The following ATP6V0A2 variants were observed in gnomAD, a reference collection of about 807,000 sequenced individuals.
ATP6V0A2 encodes the protein V-type proton ATPase 116 kDa subunit a 2.
Under a neutral mutation model 104.4 loss-of-function variants are expected in ATP6V0A2, and 58 were observed. That is an observed-to-expected ratio of 0.56 (90% CI 0.45 to 0.69). The LOEUF (loss-of-function observed/expected upper bound fraction) is 0.69, where lower values mean the gene tolerates loss of function less well. ATP6V0A2 is among the 30% of genes least tolerant of loss of function. The pLI is 0.00. For synonymous variants in ATP6V0A2, 376 were observed against 397.9 expected, an observed-to-expected ratio of 0.95 and a Z score of 0.65; for missense variants, 938 against 1,062.9, an observed-to-expected ratio of 0.88 and a Z score of 1.63.
chr12:123,758,746 T>A lies in ATP6V0A2; in HGVS notation c.*714T>A. Reference sequence around the variant, plus strand: ...CATGTTGGCCAGGCTGGTCTCGAACTTCTGACCTCAAGTGATCCACCTGCC... The same window carrying A: ...CATGTTGGCCAGGCTGGTCTCGAACATCTGACCTCAAGTGATCCACCTGCC... On this transcript the variant is annotated 3_prime_UTR_variant, in exon 20 of 20. Transcript: ENST00000330342. 6.6e-6 allele frequency: 1 copy of A among 152,162 alleles called. No homozygotes were observed. The highest frequency in any genetic ancestry group is 6.5e-5 in the Admixed American group (1 of 15,270). The allele number at this position is 152,162 out of a possible 1,614,324, so 9.4% of individuals were successfully genotyped here.
rs368978883 is a variant in ATP6V0A2 at position 123,733,914 on chromosome 12, C to A, written c.649-12C>A. 1.9e-6 allele frequency: 3 copies of A among 1,598,006 alleles called. No homozygotes were observed. Among genetic ancestry groups the A allele is most frequent in the Non-Finnish European group, 2.6e-6 (3 of 1,165,352 alleles). ...CGCAGAAATAACACTTATCCTTATTCATTCTTTGTAGGGGGAAGTCATAAA... is the reference window on the plus strand; with the variant it reads ...CGCAGAAATAACACTTATCCTTATTAATTCTTTGTAGGGGGAAGTCATAAA... On this transcript the variant is annotated splice_polypyrimidine_tract_variant and intron_variant, in intron 6 of 19. Transcript: ENST00000330342.
At chr12:123,746,012 A>T (rs1196630213) in intron 13 of ATP6V0A2, among the ~76,000 whole-genome samples, 1 of 152,182 alleles carries the variant, frequency 6.6e-6, no homozygotes, top group African/African-American at 2.4e-5. Flanking sequence ...TCTAATCATG[A>T]TTGGTATAAT....
Position 123,760,791 on chromosome 12 carries a change from T to C in ATP6V0A2, c.*2759T>C, listed in dbSNP as rs550259483. On this transcript the variant is annotated 3_prime_UTR_variant, in exon 20 of 20. Transcript: ENST00000330342. ...GGATCTGGGTGAGCCCTGCGGACTTTCCAGCAGCGAAAGGACTTGGAACTC... is the reference window on the plus strand; with the variant it reads ...GGATCTGGGTGAGCCCTGCGGACTTCCCAGCAGCGAAAGGACTTGGAACTC... 3.2e-4 allele frequency: 49 copies of C among 152,344 alleles called. No homozygotes were observed. Among genetic ancestry groups the C allele is most frequent in the African/African-American group, 1.1e-3 (47 of 41,576 alleles). The allele number at this position is 152,344 out of a possible 1,614,324, so 9.4% of individuals were successfully genotyped here. A position where few individuals can be genotyped will look rare whatever the true frequency, so the allele number is the denominator to read the frequency against.
Position 123,744,974 on chromosome 12 carries a change from T to C in ATP6V0A2, c.1605+2T>C. On this transcript the variant is annotated splice_donor_variant, in intron 13 of 19. Transcript: ENST00000330342. LOFTEE classifies it high-confidence loss of function. The surrounding 1 kb of genome is among the most constrained non-coding windows in gnomAD (Gnocchi z 5.4). ...CCTTATCCCCTTGGCATTGATCCTGTGAGTGCACCACGCTCTGTCGTTGTC... is the reference window on the plus strand; with the variant it reads ...CCTTATCCCCTTGGCATTGATCCTGCGAGTGCACCACGCTCTGTCGTTGTC... 3 of 1,613,820 alleles carry C rather than the reference T, an allele frequency of 1.9e-6. No individual in the cohort carries two copies. Among genetic ancestry groups the C allele is most frequent in the Non-Finnish European group, 2.5e-6 (3 of 1,179,692 alleles).
intron 9 of ATP6V0A2, among the ~76,000 whole-genome samples, chr12:123,739,944 T>C (rs962020973): frequency 1.3e-5 from 2 of 152,186 alleles, no homozygotes; most frequent in African/African-American, 4.8e-5. Flanking sequence ...TATCTTTTCT[T>C]TTTCTTTAAA....
chr12:123,751,284 T>C, intron 16 of ATP6V0A2, 55 bp downstream of exon 16: 4 of 1,613,594 alleles, frequency 2.5e-6, no homozygotes, highest in East Asian at 2.2e-5. Context: ...CTTTCGGTTA[T>C]ACAAGGATTG....
At chr12:123,729,856 C>A (rs141624370) in intron 6 of ATP6V0A2, among the ~76,000 whole-genome samples, 2 of 151,936 alleles carry the variant, frequency 1.3e-5, no homozygotes, top group Admixed American at 1.3e-4. Context: ...ACCCTGTCGC[C>A]CAGGCTGGAG....
In ATP6V0A2 at chr12:123,756,964, C is replaced by G; in HGVS notation, c.2443C>G (p.Leu815Val). The G allele has an allele frequency of 6.2e-7, 1 of 1,614,216 alleles. No individual in the cohort carries two copies. The highest frequency in any genetic ancestry group is 8.5e-7 in the Non-Finnish European group (1 of 1,180,038). The change falls in exon 19 of 20, where the codon CTT (leucine) becomes GTT (valine). Residue 815 changes from leucine to valine, a missense_variant. Leu to Val is a conservative substitution (Grantham distance 32). Coordinates refer to ENST00000330342, the MANE Select transcript of ATP6V0A2 (RefSeq NM_012463.4). ...LLIMEGLSAF[L>V]HAIRLHWVEF... is the part of the protein sequence containing the mutation. ...GATCATGGAAGGGCTTTCTGCGTTT[C>G]TTCACGCCATACGCCTCCACTGGTG... is the stretch of plus-strand genomic sequence containing the variant.
chr12:123,756,798 G>A lies in ATP6V0A2; in HGVS notation c.2294-17G>A. 6.2e-7 allele frequency: 1 copy of A among 1,613,202 alleles called. No homozygotes were observed. Among genetic ancestry groups the A allele is most frequent in the South Asian group, 1.1e-5 (1 of 91,036 alleles). ...ACATAAGCGAGCATGACCTGTGCAG[G>A]CTGCACTCCTTTGCAGAGTTGTCTG... On this transcript the variant is annotated splice_polypyrimidine_tract_variant and intron_variant, in intron 18 of 19. Transcript: ENST00000330342.
At chr12:123,752,930 G>T (rs1322962906) in intron 17 of ATP6V0A2, among the ~76,000 whole-genome samples, 1 of 152,136 alleles carries the variant, frequency 6.6e-6, no homozygotes, top group East Asian at 1.9e-4. Context: ...GTCACAAGTT[G>T]CCCTGGGCTT....
rs565763291 is a variant in ATP6V0A2 at position 123,754,752 on chromosome 12, G to C, written c.2293+215G>C. The C allele has an allele frequency of 2.0e-4, 115 of 577,360 alleles. 1 individual carries two copies. In the Middle Eastern group the frequency reaches 2.3e-3, roughly 12 times the overall value. 35.8% of individuals were successfully genotyped at this position (577,360 alleles called of 1,614,324 possible). A position where few individuals can be genotyped will look rare whatever the true frequency, so the allele number is the denominator to read the frequency against. On this transcript the variant is annotated intron_variant, in intron 18 of 19. Transcript: ENST00000330342. ...GAAAAATCACAGAGGGAGTCTCTCT[G>C]AGGCTGGTCTGGCTTCAGAGCCTGC...
chr12:123,723,042 G>A (rs759517839), intron 3 of ATP6V0A2, among the ~76,000 whole-genome samples: 1 of 152,116 alleles, frequency 6.6e-6, no homozygotes, highest in Non-Finnish European at 1.5e-5. Flanking sequence ...CGGTGAATTC[G>A]TTCCTCACCC....
At chr12:123,754,768 C>T (rs767748583) in intron 18 of ATP6V0A2, 8 of 548,392 alleles carry the variant, frequency 1.5e-5, no homozygotes, top group Admixed American at 3.1e-5. Context: ...GGTCTGGCTT[C>T]AGAGCCTGCC....
chr12:123,738,700 T>G (rs1283699740), intron 9 of ATP6V0A2, among the ~76,000 whole-genome samples: 1 of 152,252 alleles, frequency 6.6e-6, no homozygotes, highest in South Asian at 2.1e-4. Flanking sequence ...ACTGCAAGGT[T>G]ATAGTGTAAT....
intron 19 of ATP6V0A2, 96 bp downstream of exon 19, chr12:123,757,082 C>T (rs574671953): frequency 1.7e-5 from 23 of 1,327,560 alleles, no homozygotes; most frequent in Non-Finnish European, 2.4e-5. Flanking sequence ...CCTGCAAAAT[C>T]TAATGCTGAA....
intron 5 of ATP6V0A2, among the ~76,000 whole-genome samples, chr12:123,727,563 C>T (rs1956460263): frequency 6.6e-6 from 1 of 152,162 alleles, no homozygotes; most frequent in Admixed American, 6.5e-5. Flanking sequence ...AGGCATGAGC[C>T]ACTGTGCCCA....
At position 123,757,031 on chromosome 12, in the gene ATP6V0A2, C is replaced by A. The variant is rs752146663; in HGVS notation, c.2465+45C>A. The stretch of plus-strand genomic sequence containing the variant: ...TTGGAGCTGTTATTTAAAAAACATA[C>A]CCGCCCCCCCACTGCCCCGCCCAAC... On this transcript the variant is annotated intron_variant, in intron 19 of 19. Transcript: ENST00000330342. The A allele has an allele frequency of 9.3e-6, 15 of 1,604,766 alleles. No homozygotes were observed. In the Admixed American group the frequency reaches 1.5e-4, roughly 16 times the overall value.
rs1322835261 is a variant in ATP6V0A2, at chr12:123,737,039, C to T, written c.826-20C>T. 3 of 1,612,622 alleles carry T rather than the reference C, an allele frequency of 1.9e-6. No individual in the cohort carries two copies. Among genetic ancestry groups the T allele is most frequent in the Non-Finnish European group, 2.5e-6 (3 of 1,178,764 alleles). On this transcript the variant is annotated intron_variant, in intron 8 of 19. Coordinates refer to ENST00000330342, the MANE Select transcript of ATP6V0A2 (RefSeq NM_012463.4). ...AAAAACATGCCCACTCCACTGAAAG[C>T]CCCTGTTGTTCTTCCCCAGGTACTG...
At position 123,743,718 on chromosome 12, in the gene ATP6V0A2, C is replaced by T. The variant is rs990561640; in HGVS notation, c.1039-67C>T. 25 of 1,579,770 alleles carry T rather than the reference C, an allele frequency of 1.6e-5. No individual in the cohort carries two copies. In the African/African-American group the frequency reaches 2.0e-4, roughly 13 times the overall value. Reference sequence around the variant, plus strand: ...AAAAAACAAAGCAGTAACCCAGATTCGTTGAATATGGATAGTTATTTTCTT... The same window carrying T: ...AAAAAACAAAGCAGTAACCCAGATTTGTTGAATATGGATAGTTATTTTCTT... On this transcript the variant is annotated intron_variant, in intron 9 of 19. Transcript: ENST00000330342.
Sources: gnomAD v4.1 joint callset for allele counts (sites outside exome capture counted in the v4.1 genomes callset) on GRCh38, gnomAD v4.1.1 for gene constraint, Gnocchi (gnomAD v3.1) non-coding constraint, MANE v1.5 for transcripts, NCBI Gene and HGNC (gene_info 2026-07-23, HGNC 2026-07-21) for gene names.